Variants in SGCD observed in about 807,000 individuals in gnomAD.
SGCD encodes delta-sarcoglycan.
In SGCD, 18 loss-of-function variants were observed where a neutral mutation model predicts 36.6. That is an observed-to-expected ratio of 0.49 (90% CI 0.34 to 0.73). SGCD has a LOEUF of 0.73. Among genes scored for constraint, SGCD ranks in the 30% least tolerant of loss-of-function variants. The probability of loss-of-function intolerance (pLI) is 0.01; values close to 1 mark genes in which losing one functional copy is unlikely to be tolerated. For synonymous variants in SGCD, 133 were observed against 130.6 expected, an observed-to-expected ratio of 1.02 and a Z score of -0.12; for missense variants, 387 against 346.7, an observed-to-expected ratio of 1.12 and a Z score of -0.92.
At chr5:156,061,008 C>G (rs1760191670) in intron 1 of SGCD, among the ~76,000 whole-genome samples, 1 of 144,792 alleles carries the variant, frequency 6.9e-6, no homozygotes, top group East Asian at 1.9e-4. Flanking sequence ...TCTGGACTCT[C>G]ACAAAAATTG....
At chr5:156,014,456 G>A (rs936324694) in intron 1 of SGCD, among the ~76,000 whole-genome samples, 2 of 151,838 alleles carry the variant, frequency 1.3e-5, no homozygotes, top group Admixed American at 1.3e-4. Context: ...ATTTTTTATG[G>A]GAGAAAATTA....
intron 1 of SGCD, among the ~76,000 whole-genome samples, chr5:155,939,448 C>T (rs899441793): frequency 6.6e-6 from 1 of 151,892 alleles, no homozygotes; most frequent in Non-Finnish European, 1.5e-5. Flanking sequence ...CGAGACAAGC[C>T]TGACCGATAT....
At chr5:156,145,232 C>T (rs1012261673) in intron 3 of SGCD, among the ~76,000 whole-genome samples, 3 of 152,068 alleles carry the variant, frequency 2.0e-5, no homozygotes, top group African/African-American at 7.2e-5. Flanking sequence ...TGTGTAGCAC[C>T]TCCTTTCTCT....
chr5:155,999,825 A>G (rs1758627400), intron 1 of SGCD, among the ~76,000 whole-genome samples: 1 of 152,238 alleles, frequency 6.6e-6, no homozygotes, highest in Non-Finnish European at 1.5e-5. Context: ...GCAACCAACA[A>G]AAACACATTG....
At chr5:156,153,939 G>C (rs1184933861) in intron 3 of SGCD, among the ~76,000 whole-genome samples, 2 of 151,634 alleles carry the variant, frequency 1.3e-5, no homozygotes, top group East Asian at 3.8e-4. Context: ...CAATTGGTAA[G>C]CATTGGAACA....
chr5:155,968,581 T>C (rs2127558874), intron 1 of SGCD, among the ~76,000 whole-genome samples: 1 of 152,230 alleles, frequency 6.6e-6, no homozygotes, highest in South Asian at 2.1e-4. Context: ...AGTGTGTAAT[T>C]TCAAAATTAA....
At chr5:155,993,193 A>G (rs1391422483) in intron 1 of SGCD, among the ~76,000 whole-genome samples, 3 of 151,972 alleles carry the variant, frequency 2.0e-5, no homozygotes, top group African/African-American at 7.3e-5. Flanking sequence ...CCGCCATGGA[A>G]CATTCCTGCA....
At chr5:155,989,945 T>C (rs1758400174) in intron 1 of SGCD, among the ~76,000 whole-genome samples, 1 of 152,214 alleles carries the variant, frequency 6.6e-6, no homozygotes, top group Non-Finnish European at 1.5e-5. Flanking sequence ...ACTGATAGCT[T>C]GTGAATAAAA....
At chr5:156,078,663 TACAC>T (rs910236883) in intron 1 of SGCD, among the ~76,000 whole-genome samples, 1 of 148,448 alleles carries the variant, frequency 6.7e-6, no homozygotes, top group Non-Finnish European at 1.5e-5. Flanking sequence ...CACATATATA[TACAC>T]ACACATATAT....
At chr5:155,825,407 C>G in the SGCD span, among the ~76,000 whole-genome samples, 2 of 152,172 alleles carry the variant, frequency 1.3e-5, no homozygotes, top group Non-Finnish European at 2.9e-5. Flanking sequence ...AAATGGCCCT[C>G]TGCGTTATAT....
At chr5:156,487,788 C>CAAAAAAAAAAAAAAAAAAAAAAA (rs56006984) in intron 3 of SGCD, among the ~76,000 whole-genome samples, 1 of 41,382 alleles carries the variant, frequency 2.4e-5, no homozygotes, top group African/African-American at 6.0e-5. Flanking sequence ...ACTCTGTCAC[C>CAAAAAAAAAAAAAAAAAAAAAAA]AAAAAAAAAA....
At chr5:155,810,777 G>A in the SGCD span, among the ~76,000 whole-genome samples, 3 of 112,878 alleles carry the variant, frequency 2.7e-5, no homozygotes, top group African/African-American at 6.6e-5. Flanking sequence ...TTTTCTCTGA[G>A]TAATCCTTTA....
At chr5:156,241,439 C>T (rs1274138444) in intron 3 of SGCD, among the ~76,000 whole-genome samples, 2 of 152,144 alleles carry the variant, frequency 1.3e-5, no homozygotes, top group African/African-American at 2.4e-5. Flanking sequence ...CTCCTGATGA[C>T]TTTGGCATGG....
At chr5:156,269,058 C>T (rs1266319715) in intron 3 of SGCD, among the ~76,000 whole-genome samples, 1 of 152,084 alleles carries the variant, frequency 6.6e-6, no homozygotes, top group East Asian at 1.9e-4. Flanking sequence ...ATTGGATTTA[C>T]AGTTCCACAT....
intron 4 of SGCD, among the ~76,000 whole-genome samples, chr5:156,560,396 A>C (rs1366132106): frequency 6.6e-6 from 1 of 152,220 alleles, no homozygotes; most frequent in African/African-American, 2.4e-5. Context: ...GAAGAGGGAA[A>C]TCTGGAAAGA....
rs188772346 is a variant in SGCD at position 156,728,243 on chromosome 5, A to G, written c.576-29338A>G. On this transcript the variant is annotated intron_variant, in intron 7 of 8. Transcript: ENST00000337851. The stretch of plus-strand genomic sequence containing the variant: ...GATTTTCCTTTGCTCAGAAACTGGA[A>G]TTCTCATAGTAATGGTACCTTCTTC... Among the ~76,000 whole-genome samples the G allele has an allele frequency of 2.2e-3, 332 of 152,322 alleles. 2 individuals carry two copies. The highest frequency in any genetic ancestry group is 7.8e-3 in the African/African-American group (323 of 41,564).
rs1167573409 is a variant in SGCD at position 156,091,584 on chromosome 5, ACAGGTC to A, written c.-281-26290_-281-26285del. Among the ~76,000 whole-genome samples, 33 of 152,316 alleles carry A rather than the reference ACAGGTC, an allele frequency of 2.2e-4. 1 individual carries two copies. Among genetic ancestry groups the A allele is most frequent in the African/African-American group, 7.7e-4 (32 of 41,574 alleles). On this transcript the variant is annotated intron_variant, in intron 1 of 9. Coordinates refer to the SGCD transcript ENST00000517913. The stretch of plus-strand genomic sequence containing the variant: ...TCTGGAGTATTCATTGGCTGATCTG[ACAGGTC>A]CAGCCTCCTGGAATAGACTGCACTA...
At chr5:156,639,521 T>C (rs1759890877) in intron 6 of SGCD, among the ~76,000 whole-genome samples, 1 of 152,196 alleles carries the variant, frequency 6.6e-6, no homozygotes, top group Non-Finnish European at 1.5e-5. Flanking sequence ...AGGCCTTCGG[T>C]ATCTGGTACC....
At chr5:156,592,469 A>G (rs1760763078) in intron 5 of SGCD, among the ~76,000 whole-genome samples, 1 of 152,144 alleles carries the variant, frequency 6.6e-6, no homozygotes, top group African/African-American at 2.4e-5. Context: ...CCCTCATTGG[A>G]CATCTCAGCT....
Sources: gnomAD v4.1 joint callset for allele counts (sites outside exome capture counted in the v4.1 genomes callset) on GRCh38, gnomAD v4.1.1 for gene constraint, MANE v1.5 for transcripts, NCBI Gene and HGNC (gene_info 2026-07-23, HGNC 2026-07-21) for gene names.